The following PSMG2 variants were observed in gnomAD, a reference collection of about 807,000 sequenced individuals.
PSMG2 encodes the protein CD40 ligand-activated specific transcript 3.
Under a neutral mutation model 31.5 loss-of-function variants are expected in PSMG2, and 21 were observed. That is an observed-to-expected ratio of 0.67 (90% CI 0.47 to 0.96). The LOEUF (loss-of-function observed/expected upper bound fraction) is 0.96. Among genes scored for constraint, PSMG2 ranks in the 40% least tolerant of loss-of-function variants. The pLI is 0.00. For synonymous variants in PSMG2, 120 were observed against 110.4 expected (o/e 1.09, Z -0.54); for missense variants, 318 against 321.2 (o/e 0.99, Z 0.08).
At chr18:12,686,435 T>C (rs892916620) in intron 1 of PSMG2, 1 of 1,609,696 alleles carries the variant, frequency 6.2e-7, no homozygotes, top group Non-Finnish European at 8.5e-7. Flanking sequence ...ACTGGTCTAT[T>C]TATCCCATTT....
intron 1 of PSMG2, among the ~76,000 whole-genome samples, chr18:12,705,580 T>A (rs868867196): frequency 1.3e-3 from 188 of 142,994 alleles, no homozygotes; most frequent in Middle Eastern, 7.0e-3. Context: ...AGAGAGAGTG[T>A]GTGTGTGTGT....
intron 1 of PSMG2, among the ~76,000 whole-genome samples, chr18:12,666,533 C>T (rs556856752): frequency 5.3e-5 from 8 of 151,106 alleles, no homozygotes; most frequent in East Asian, 1.9e-4. Flanking sequence ...CCTAACGTCC[C>T]GCCTCAATTG....
At chr18:12,698,300 C>G (rs1290409206), upstream of PSMG2, among the ~76,000 whole-genome samples, 3 of 151,804 alleles carry the variant, frequency 2.0e-5, no homozygotes, top group Non-Finnish European at 2.9e-5. Flanking sequence ...GTGATCTCGG[C>G]TCATTACACG....
intron 1 of PSMG2, among the ~76,000 whole-genome samples, chr18:12,675,314 T>C (rs2039083958): frequency 6.6e-6 from 1 of 152,048 alleles, no homozygotes; most frequent in Non-Finnish European, 1.5e-5. Context: ...GAGAATGGTA[T>C]GAATCCGGGA....
chr18:12,671,642 CTTTTTTTTTTTTT>C (rs869130220), intron 1 of PSMG2, among the ~76,000 whole-genome samples: 7 of 55,544 alleles, frequency 1.3e-4, no homozygotes, highest in South Asian at 5.5e-4. Flanking sequence ...TTCACACTTT[CTTTTTTTTTTTTT>C]TTTTTTTTTT....
chr18:12,714,323 A>G (rs1284065456), intron 3 of PSMG2, among the ~76,000 whole-genome samples: 6 of 152,156 alleles, frequency 3.9e-5, no homozygotes, highest in African/African-American at 1.4e-4. Context: ...CTGCAGCCAC[A>G]CTGGCTTCCC....
intron 1 of PSMG2, among the ~76,000 whole-genome samples, chr18:12,705,437 T>A (rs1032701850): frequency 3.3e-5 from 5 of 151,818 alleles, no homozygotes; most frequent in African/African-American, 1.2e-4. Flanking sequence ...GGAATGTGAG[T>A]TTCCTGTGAC....
At chr18:12,723,980 T>C (rs952143567) in intron 5 of PSMG2, 4 of 152,304 alleles carry the variant, frequency 2.6e-5, no homozygotes, top group Admixed American at 1.3e-4. Context: ...GAGCTAATTA[T>C]AGCTTCTTCA....
intron 1 of PSMG2, among the ~76,000 whole-genome samples, chr18:12,683,623 C>T (rs1196739439): frequency 6.6e-6 from 1 of 150,622 alleles, no homozygotes; most frequent in Non-Finnish European, 1.5e-5. Flanking sequence ...TGGTGGCGGG[C>T]ACCTGTAATC....
chr18:12,706,596 T>G lies in PSMG2; in HGVS notation c.104T>G (p.Ile35Ser). ...GTTGGCCAGCTTGCAATGGATCTGA[T>G]TATTTCTACACTGAATATGTCTAAG... ...GNVGQLAMDL[I>S]ISTLNMSKIG... The change falls in exon 2 of 7, where the codon ATT (isoleucine) becomes AGT (serine). Residue 35 changes from isoleucine (I) to serine (S), a missense_variant. Ile to Ser is a moderately radical substitution (Grantham distance 142). Coordinates refer to ENST00000317615, the MANE Select transcript of PSMG2 (RefSeq NM_020232.5). 6.2e-7 allele frequency: 1 copy of G among 1,614,156 alleles called. No individual in the cohort carries two copies. The highest frequency in any genetic ancestry group is 8.5e-7 in the Non-Finnish European group (1 of 1,180,026).
At chr18:12,683,993 A>G (rs1205595422) in intron 1 of PSMG2, among the ~76,000 whole-genome samples, 4 of 150,024 alleles carry the variant, frequency 2.7e-5, no homozygotes, top group African/African-American at 9.8e-5. Context: ...CTAAATATAT[A>G]TATGATATAT....
chr18:12,712,309 GT>G, intron 2 of PSMG2, among the ~76,000 whole-genome samples: 1 of 149,392 alleles, frequency 6.7e-6, no homozygotes, highest in East Asian at 1.9e-4. Flanking sequence ...ATCCCAATGA[GT>G]GTTGCTGTTC....
At chr18:12,669,933 G>GTTGTGGTGAGCCGAGA (rs1555641007) in intron 1 of PSMG2, among the ~76,000 whole-genome samples, 4 of 149,568 alleles carry the variant, frequency 2.7e-5, no homozygotes, top group East Asian at 2.0e-4. Context: ...GGAGGCGGAG[G>GTTGTGGTGAGCCGAGA]TTGCGGTGAG....
chr18:12,678,690 C>T (rs754883471), intron 1 of PSMG2, among the ~76,000 whole-genome samples: 14 of 152,030 alleles, frequency 9.2e-5, no homozygotes, highest in Admixed American at 5.9e-4. Flanking sequence ...GATCAAAGGC[C>T]GGATGCGGTA....
chr18:12,662,032 T>C, intron 1 of PSMG2: 1 of 279,724 alleles, frequency 3.6e-6, no homozygotes, highest in East Asian at 1.0e-4. Flanking sequence ...CTTATTCTTG[T>C]AGAATAAGTG....
chr18:12,670,497 A>T (rs2038916278), intron 1 of PSMG2: 1 of 152,206 alleles, frequency 6.6e-6, no homozygotes, highest in South Asian at 2.1e-4. Context: ...TTACTCTGGT[A>T]CAATAAGGTG....
At chr18:12,677,796 G>T (rs1026331696) in intron 1 of PSMG2, among the ~76,000 whole-genome samples, 1 of 152,188 alleles carries the variant, frequency 6.6e-6, no homozygotes, top group Non-Finnish European at 1.5e-5. Flanking sequence ...ATGTGAATAA[G>T]CATTTCACAA....
At chr18:12,691,276 C>T in intron 1 of PSMG2, 1 of 872,832 alleles carries the variant, frequency 1.1e-6, no homozygotes, top group East Asian at 3.0e-5. Context: ...ATACATTTTA[C>T]AAATAAATAT....
intron 1 of PSMG2, chr18:12,670,422 T>A (rs1314538315): frequency 6.6e-6 from 1 of 152,144 alleles, no homozygotes; most frequent in Non-Finnish European, 1.5e-5. Flanking sequence ...AATGCCAGAC[T>A]CTATTGGTGC....
Sources: gnomAD v4.1 joint callset for allele counts (sites outside exome capture counted in the v4.1 genomes callset) on GRCh38, gnomAD v4.1.1 for gene constraint, MANE v1.5 for transcripts, NCBI Gene and HGNC (gene_info 2026-07-23, HGNC 2026-07-21) for gene names.